FRMPD4: variants seen among roughly 807,000 people sequenced by gnomAD.
The protein encoded by FRMPD4 is FERM and PDZ domain containing 4.
Under a neutral mutation model 94.1 loss-of-function variants are expected in FRMPD4, and 22 were observed. The ratio of observed to expected loss-of-function variants is 0.23; its 90% CI spans 0.17 to 0.33. The LOEUF (loss-of-function observed/expected upper bound fraction) is 0.33. Ranked by LOEUF, FRMPD4 falls within the 10% of genes least tolerant of loss-of-function variation. FRMPD4 has a pLI of 1.00. For synonymous variants in FRMPD4, 631 were observed against 548.6 expected, an observed-to-expected ratio of 1.15 and a Z score of -2.10; for missense variants, 1,111 against 1,339.9, an observed-to-expected ratio of 0.83 and a Z score of 2.67.
chrX:12,235,411 T>A (rs2057060451), intron 1 of FRMPD4, among the ~76,000 whole-genome samples: 1 of 112,164 alleles, frequency 8.9e-6, no homozygotes, highest in Non-Finnish European at 1.9e-5. Context: ...CCAAGCTGCA[T>A]AAGGGGGCCA....
intron 3 of FRMPD4, among the ~76,000 whole-genome samples, chrX:12,003,840 A>T (rs1012499110): frequency 1.3e-4 from 14 of 111,909 alleles, no homozygotes; most frequent in African/African-American, 2.0e-4. Flanking sequence ...AAAATGCACA[A>T]TTTTTTTCAT....
At position 12,704,447 on chromosome X, in the gene FRMPD4, G is replaced by A; in HGVS notation, c.1159G>A (p.Val387Ile). ...CATAAAGAAAGCACTTTCACACCTT[G>A]TCAAAGCAAATCAAAACTTGGTACC... is the stretch of plus-strand genomic sequence containing the variant. ...KNIKKALSHLVKANQNLVPPG... is the reference protein window; with the variant it reads ...KNIKKALSHLIKANQNLVPPG... Residue 387 changes from valine (V) to isoleucine (I), a missense_variant, in exon 11 of 17, where the codon GTC becomes ATC. This residue lies in a region of FRMPD4 where 111 missense variants were observed against 160.7 expected (regional missense o/e 0.69). Transcript: ENST00000675598. 8.4e-7 allele frequency: 1 copy of A among 1,189,476 alleles called. No individual in the cohort carries two copies. Among genetic ancestry groups the A allele is most frequent in the Non-Finnish European group, 1.1e-6 (1 of 881,750 alleles).
At chrX:11,949,346 T>C (rs775036651) in intron 3 of FRMPD4, among the ~76,000 whole-genome samples, 3 of 112,057 alleles carry the variant, frequency 2.7e-5, no homozygotes, top group African/African-American at 9.7e-5. Context: ...TCCTCCCCAC[T>C]GGGGCTTCAA....
chrX:12,591,365 G>T (rs758597387), intron 2 of FRMPD4, among the ~76,000 whole-genome samples: 11 of 111,907 alleles, frequency 9.8e-5, no homozygotes, highest in Non-Finnish European at 2.1e-4. Flanking sequence ...AGGAGGAGGA[G>T]AAAGAAGAGG....
chrX:12,507,370 G>A (rs1166344131), intron 2 of FRMPD4, among the ~76,000 whole-genome samples: 1 of 112,275 alleles, frequency 8.9e-6, no homozygotes, highest in African/African-American at 3.2e-5. Flanking sequence ...TGCCATGGTA[G>A]TGTTAAAGCA....
intron 1 of FRMPD4, among the ~76,000 whole-genome samples, chrX:12,239,229 G>A (rs2057103397): frequency 8.9e-6 from 1 of 111,960 alleles, no homozygotes; most frequent in Non-Finnish European, 1.9e-5. Flanking sequence ...GATTATCCTT[G>A]GCAAATGTTT....
intron 1 of FRMPD4, among the ~76,000 whole-genome samples, chrX:12,161,279 C>T (rs2056022001): frequency 9.0e-6 from 1 of 111,603 alleles, no homozygotes; most frequent in African/African-American, 3.3e-5. Flanking sequence ...CCGCCTCAGC[C>T]TTCCATGTAG....
Position 12,516,620 on chromosome X carries a change from T to C in FRMPD4, c.158+17824T>C, listed in dbSNP as rs191257360. On this transcript the variant is annotated intron_variant, in intron 2 of 16. Coordinates refer to ENST00000675598, the MANE Select transcript of FRMPD4 (RefSeq NM_001368397.1). ...CCTGGCCTTTCTCTCTGGCTGCCCT[T>C]AACATTTTTTCCTTCATTTTGACCT... Among the ~76,000 whole-genome samples, 6 of 111,578 alleles carry C rather than the reference T, an allele frequency of 5.4e-5. No individual in the cohort carries two copies. In the East Asian group the frequency reaches 1.7e-3, roughly 31 times the overall value.
At chrX:12,513,248 C>G (rs1455202606) in intron 2 of FRMPD4, among the ~76,000 whole-genome samples, 2 of 111,846 alleles carry the variant, frequency 1.8e-5, no homozygotes, top group African/African-American at 3.2e-5. Context: ...GTTTTTGTTT[C>G]TGTTGCAATT....
At chrX:12,523,852 A>G (rs2058190861) in intron 2 of FRMPD4, among the ~76,000 whole-genome samples, 1 of 91,293 alleles carries the variant, frequency 1.1e-5, no homozygotes, top group African/African-American at 6.1e-5. Flanking sequence ...ATAATTGGGA[A>G]AAAAAAAAAA....
intron 4 of FRMPD4, among the ~76,000 whole-genome samples, chrX:12,663,681 A>T (rs2059742991): frequency 8.9e-6 from 1 of 112,051 alleles, no homozygotes; most frequent in Non-Finnish European, 1.9e-5. Context: ...TCTTGGCTAT[A>T]TGGGCTCTTT....
chrX:12,594,724 C>T (rs1207955313), intron 2 of FRMPD4, among the ~76,000 whole-genome samples: 6 of 111,834 alleles, frequency 5.4e-5, no homozygotes, highest in South Asian at 7.5e-4. Context: ...CATGAGCCAC[C>T]GTACCCGGCC....
chrX:12,054,062 G>A (rs759767158), intron 3 of FRMPD4, among the ~76,000 whole-genome samples: 2 of 111,578 alleles, frequency 1.8e-5, no homozygotes, highest in Non-Finnish European at 3.8e-5. Flanking sequence ...GGCGCCTCTC[G>A]TATGAGGGTT....
intron 1 of FRMPD4, among the ~76,000 whole-genome samples, chrX:12,493,475 A>G (rs1255461801): frequency 8.9e-6 from 1 of 112,025 alleles, no homozygotes; most frequent in East Asian, 2.8e-4. Context: ...TGGTTTTCCC[A>G]TATCTGAAAT....
chrX:12,264,948 G>T (rs7888118), intron 1 of FRMPD4, among the ~76,000 whole-genome samples: 3,929 of 112,073 alleles, frequency 0.035, 170 homozygotes, highest in African/African-American at 0.12. Flanking sequence ...GTAGTATAAA[G>T]TAGGCCAGTT....
intron 1 of FRMPD4, among the ~76,000 whole-genome samples, chrX:12,246,364 C>A (rs962210599): frequency 8.9e-6 from 1 of 111,789 alleles, no homozygotes; most frequent in Non-Finnish European, 1.9e-5. Flanking sequence ...GTTACCTTTG[C>A]GTGCTCTTAG....
chrX:12,316,320 T>TG (rs1406596435), intron 1 of FRMPD4, among the ~76,000 whole-genome samples: 2 of 107,564 alleles, frequency 1.9e-5, no homozygotes, highest in African/African-American at 7.0e-5. Flanking sequence ...CTAATTTTTG[T>TG]GTTTTTTTTT....
At chrX:12,471,717 G>A (rs957470330) in intron 1 of FRMPD4, among the ~76,000 whole-genome samples, 2 of 111,859 alleles carry the variant, frequency 1.8e-5, no homozygotes, top group African/African-American at 3.3e-5. Context: ...TTCATGGAGG[G>A]TAACTCTGCA....
intron 2 of FRMPD4, among the ~76,000 whole-genome samples, chrX:12,538,359 C>G (rs1286832802): frequency 8.8e-5 from 2 of 22,606 alleles, no homozygotes; most frequent in African/African-American, 1.8e-4. Context: ...CCCACCACGG[C>G]TCAAGGAGGC....
Sources: allele counts gnomAD v4.1 joint callset (sites outside exome capture counted in the v4.1 genomes callset), GRCh38; gene constraint gnomAD v4.1.1; regional missense constraint gnomAD v4.1.1; transcripts MANE v1.5; gene names NCBI Gene and HGNC (gene_info 2026-07-23, HGNC 2026-07-21).